EPB41L5: variants seen among roughly 807,000 people sequenced by gnomAD.
EPB41L5 encodes band 4.1-like protein 5.
Under a neutral mutation model 106.6 loss-of-function variants are expected in EPB41L5, and 55 were observed. The ratio of observed to expected loss-of-function variants is 0.52; its 90% CI spans 0.42 to 0.65. EPB41L5 has a LOEUF of 0.65. Ranked by LOEUF, EPB41L5 falls within the 30% of genes least tolerant of loss-of-function variation. The pLI is 0.00. For synonymous variants in EPB41L5, 297 were observed against 306.7 expected (o/e 0.97, Z 0.33); for missense variants, 871 against 882.1 (o/e 0.99, Z 0.16).
chr2:120,168,043 A>G, intron 24 of EPB41L5, 36 bp downstream of exon 24: 1 of 1,608,246 alleles, frequency 6.2e-7, no homozygotes, highest in Non-Finnish European at 8.5e-7. Flanking sequence ...GTTCTTAGGC[A>G]TCTGTTAGGA....
intron 16 of EPB41L5, among the ~76,000 whole-genome samples, chr2:120,115,634 C>T (rs1244199049): frequency 1.3e-5 from 2 of 152,082 alleles, no homozygotes; most frequent in Non-Finnish European, 2.9e-5. Context: ...TTGTGATCCG[C>T]CTGCCTCGGC....
intron 18 of EPB41L5, among the ~76,000 whole-genome samples, chr2:120,136,965 C>G (rs1685948677): frequency 6.6e-6 from 1 of 151,892 alleles, no homozygotes; most frequent in Non-Finnish European, 1.5e-5. Context: ...AAGGATAGAC[C>G]ACATGTTAAG....
intron 24 of EPB41L5, among the ~76,000 whole-genome samples, chr2:120,171,127 A>G (rs1687654339): frequency 6.6e-6 from 1 of 152,242 alleles, no homozygotes; most frequent in Non-Finnish European, 1.5e-5. Flanking sequence ...AAGAACAGGA[A>G]AGGAGACATC....
In EPB41L5 at chr2:120,159,602, C is replaced by G. The variant is rs548401603; in HGVS notation, c.1794-1279C>G. 2.6e-4 allele frequency among the ~76,000 whole-genome samples: 39 copies of G among 152,180 alleles called. No individual in the cohort carries two copies. In the South Asian group the frequency reaches 7.7e-3, roughly 30 times the overall value. Reference sequence around the variant, plus strand: ...AAAAAGCCCAAATAGCCAAGGCAATCCTAAGGAAAAAGAAGTAGCTGGAGG... The same window carrying G: ...AAAAAGCCCAAATAGCCAAGGCAATGCTAAGGAAAAAGAAGTAGCTGGAGG... On this transcript the variant is annotated intron_variant, in intron 20 of 24. Coordinates refer to ENST00000263713, the MANE Select transcript of EPB41L5 (RefSeq NM_020909.4).
intron 2 of EPB41L5, among the ~76,000 whole-genome samples, chr2:120,028,898 G>A (rs1678516570): frequency 6.6e-6 from 1 of 152,174 alleles, no homozygotes; most frequent in Non-Finnish European, 1.5e-5. Flanking sequence ...TGGTGGGATG[G>A]TGTGTTTGAA....
chr2:120,111,170 T>A (rs1684715002), intron 16 of EPB41L5, among the ~76,000 whole-genome samples: 1 of 152,202 alleles, frequency 6.6e-6, no homozygotes, highest in African/African-American at 2.4e-5. Flanking sequence ...ATGTTTTTCA[T>A]GGTTGGCCAG....
At chr2:120,112,196 T>G (rs1273754515) in intron 16 of EPB41L5, among the ~76,000 whole-genome samples, 1 of 152,234 alleles carries the variant, frequency 6.6e-6, no homozygotes, top group Non-Finnish European at 1.5e-5. Flanking sequence ...ATGATGATTC[T>G]TAGGATTTTT....
At chr2:120,065,967 A>T (rs1191188279) in intron 3 of EPB41L5, among the ~76,000 whole-genome samples, 1 of 152,128 alleles carries the variant, frequency 6.6e-6, no homozygotes, top group Non-Finnish European at 1.5e-5. Flanking sequence ...GTGTGTGCAC[A>T]TACTCACACA....
chr2:120,126,555 C>G (rs988007138), intron 16 of EPB41L5, among the ~76,000 whole-genome samples: 3 of 152,140 alleles, frequency 2.0e-5, no homozygotes, highest in Non-Finnish European at 2.9e-5. Context: ...GTTAAAAAGC[C>G]TGTCTTTTCT....
intron 3 of EPB41L5, among the ~76,000 whole-genome samples, chr2:120,048,598 A>C (rs1169213317): frequency 6.6e-6 from 1 of 151,962 alleles, no homozygotes; most frequent in Non-Finnish European, 1.5e-5. Flanking sequence ...TTAAAAAAAA[A>C]CAGCTCCTGC....
chr2:120,171,669 G>GAT (rs1687680549), intron 24 of EPB41L5, among the ~76,000 whole-genome samples: 1 of 152,202 alleles, frequency 6.6e-6, no homozygotes, highest in Non-Finnish European at 1.5e-5. Flanking sequence ...AGAGAAAAAG[G>GAT]CCTGCACATA....
chr2:120,019,888 A>G (rs974084806), intron 2 of EPB41L5, among the ~76,000 whole-genome samples: 17 of 140,038 alleles, frequency 1.2e-4, no homozygotes, highest in South Asian at 2.4e-4. Context: ...AGGCTGTTGT[A>G]ATTATATTTG....
At chr2:120,075,080 G>A (rs1332604260) in intron 5 of EPB41L5, among the ~76,000 whole-genome samples, 1 of 152,104 alleles carries the variant, frequency 6.6e-6, no homozygotes, top group Non-Finnish European at 1.5e-5. Context: ...CACCCGCCTC[G>A]CCCTCCCAAA....
intron 16 of EPB41L5, among the ~76,000 whole-genome samples, chr2:120,120,627 T>TAAAG (rs1203942755): frequency 8.8e-4 from 134 of 151,478 alleles, no homozygotes; most frequent in African/African-American, 3.2e-3. Context: ...AAAATTAGTA[T>TAAAG]AAAGAAAGAA....
intron 3 of EPB41L5, among the ~76,000 whole-genome samples, chr2:120,051,661 C>A (rs773914475): frequency 6.6e-6 from 1 of 152,196 alleles, no homozygotes; most frequent in Non-Finnish European, 1.5e-5. Context: ...GGCGATGCCT[C>A]GCCCTGCTTT....
chr2:120,074,586 A>G (rs999176794), intron 5 of EPB41L5, among the ~76,000 whole-genome samples: 6 of 152,212 alleles, frequency 3.9e-5, no homozygotes, highest in African/African-American at 1.4e-4. Flanking sequence ...TTGATTAATG[A>G]AAAACATTAG....
At chr2:120,017,178 C>A (rs901523096) in intron 1 of EPB41L5, among the ~76,000 whole-genome samples, 1 of 152,218 alleles carries the variant, frequency 6.6e-6, no homozygotes, top group Non-Finnish European at 1.5e-5. Context: ...CTGAGGCAAT[C>A]ATTTTCACAT....
intron 16 of EPB41L5, among the ~76,000 whole-genome samples, chr2:120,117,651 T>A (rs1322035706): frequency 6.6e-6 from 1 of 152,136 alleles, no homozygotes; most frequent in Non-Finnish European, 1.5e-5. Context: ...TAGAGCTTTA[T>A]CGAGGTACAC....
rs537721859 is a variant in EPB41L5, at chr2:120,131,789, G to C, written c.1599+74G>C. 3,006 of 1,141,562 alleles carry C rather than the reference G, an allele frequency of 2.6e-3. 2 individuals carry two copies. Among genetic ancestry groups the C allele is most frequent in the Middle Eastern group, 9.9e-3 (50 of 5,030 alleles). The allele number at this position is 1,141,562 out of a possible 1,614,324, so 70.7% of individuals were successfully genotyped here. On this transcript the variant is annotated intron_variant, in intron 18 of 24. Transcript: ENST00000263713. The stretch of plus-strand genomic sequence containing the variant: ...CAGAAATATTTTCTTTCCAAAGACA[G>C]TACTTTCTTTTTTCTTTAGCTGGGA...
Sources: allele counts gnomAD v4.1 joint callset (sites outside exome capture counted in the v4.1 genomes callset), GRCh38; gene constraint gnomAD v4.1.1; transcripts MANE v1.5; gene names NCBI Gene and HGNC (gene_info 2026-07-23, HGNC 2026-07-21).